Variants in GRIK1 observed in about 807,000 individuals in gnomAD.
GRIK1 encodes glutamate receptor ionotropic, kainate 1.
Under a neutral mutation model 105.7 loss-of-function variants are expected in GRIK1, and 69 were observed. That is an observed-to-expected ratio of 0.65 (90% confidence interval 0.54 to 0.80). The LOEUF is 0.80. Ranked by LOEUF, GRIK1 falls within the 30% of genes least tolerant of loss-of-function variation. The probability of loss-of-function intolerance (pLI) is 0.00; values close to 1 mark genes in which losing one functional copy is unlikely to be tolerated. For synonymous variants in GRIK1, 438 were observed against 431.3 expected, an observed-to-expected ratio of 1.02 and a Z score of -0.19; for missense variants, 1,109 against 1,167.3, an observed-to-expected ratio of 0.95 and a Z score of 0.73.
intron 15 of GRIK1, among the ~76,000 whole-genome samples, chr21:29,560,850 T>G (rs1406961157): frequency 2.0e-5 from 3 of 152,064 alleles, no homozygotes; most frequent in African/African-American, 7.2e-5. Context: ...TCTGCCTGCC[T>G]TGGTCTGCCA....
chr21:29,931,283 G>C (rs2071555066), intron 1 of GRIK1, among the ~76,000 whole-genome samples: 1 of 152,146 alleles, frequency 6.6e-6, no homozygotes, highest in Non-Finnish European at 1.5e-5. Context: ...GGTTGTGACA[G>C]TTTTTCAGAT....
chr21:29,594,640 C>T (rs2061378351), intron 9 of GRIK1, among the ~76,000 whole-genome samples: 1 of 152,008 alleles, frequency 6.6e-6, no homozygotes, highest in Non-Finnish European at 1.5e-5. Context: ...AATGAGTGCC[C>T]AAATGACATT....
chr21:29,816,075 C>G (rs549019673), intron 1 of GRIK1, among the ~76,000 whole-genome samples: 3 of 152,048 alleles, frequency 2.0e-5, no homozygotes, highest in South Asian at 4.1e-4. Flanking sequence ...CCAGAATACA[C>G]AAGGAAGATG....
chr21:29,752,480 A>G (rs1358420677), intron 1 of GRIK1, among the ~76,000 whole-genome samples: 1 of 152,208 alleles, frequency 6.6e-6, no homozygotes, highest in African/African-American at 2.4e-5. Flanking sequence ...TTCTTGGATG[A>G]GACCAAATGG....
chr21:29,580,085 G>T (rs1044384771), intron 13 of GRIK1, among the ~76,000 whole-genome samples: 12 of 142,116 alleles, frequency 8.4e-5, no homozygotes, highest in Admixed American at 4.9e-4. Context: ...ATGTATATGT[G>T]TGTGTATATA....
intron 1 of GRIK1, among the ~76,000 whole-genome samples, chr21:29,795,409 G>A (rs1235212253): frequency 6.6e-6 from 1 of 152,044 alleles, no homozygotes; most frequent in Non-Finnish European, 1.5e-5. Flanking sequence ...TTCACACCAT[G>A]TAAAATGACT....
chr21:29,924,266 G>A (rs2071281894), intron 1 of GRIK1, among the ~76,000 whole-genome samples: 2 of 151,516 alleles, frequency 1.3e-5, no homozygotes, highest in Non-Finnish European at 2.9e-5. Flanking sequence ...GAACCCGGGA[G>A]GTGGACGTTG....
At chr21:29,596,890 A>G (rs2061424785) in intron 8 of GRIK1, 2 of 332,948 alleles carry the variant, frequency 6.0e-6, no homozygotes, top group Admixed American at 4.4e-5. Context: ...CCTTAAGAAG[A>G]CCCTTTTAAG....
At chr21:29,929,734 C>T (rs1280930666) in intron 1 of GRIK1, among the ~76,000 whole-genome samples, 1 of 152,066 alleles carries the variant, frequency 6.6e-6, no homozygotes, top group Non-Finnish European at 1.5e-5. Context: ...TAAATTAGTA[C>T]AATCATTATG....
chr21:29,913,921 G>C (rs1294198184), intron 1 of GRIK1, among the ~76,000 whole-genome samples: 1 of 151,828 alleles, frequency 6.6e-6, no homozygotes, highest in Non-Finnish European at 1.5e-5. Flanking sequence ...ATACACTACT[G>C]ATTATACCAC....
At chr21:29,900,523 C>T (rs1452235285) in intron 1 of GRIK1, among the ~76,000 whole-genome samples, 1 of 148,474 alleles carries the variant, frequency 6.7e-6, no homozygotes, top group African/African-American at 2.5e-5. Context: ...GACTCTAAAC[C>T]AACAAAGATC....
chr21:29,757,855 G>A (rs890025983), intron 1 of GRIK1, among the ~76,000 whole-genome samples: 1 of 152,230 alleles, frequency 6.6e-6, no homozygotes, highest in Admixed American at 6.5e-5. Context: ...TCTTAAGTGT[G>A]TCCAGACATT....
At chr21:29,901,967 C>A (rs193268055) in intron 1 of GRIK1, among the ~76,000 whole-genome samples, 1 of 152,324 alleles carries the variant, frequency 6.6e-6, no homozygotes, top group African/African-American at 2.4e-5. Flanking sequence ...TCAGCTTCAT[C>A]CCTAGGATGC....
intron 1 of GRIK1, among the ~76,000 whole-genome samples, chr21:29,838,317 A>G (rs1164269801): frequency 6.6e-6 from 1 of 152,216 alleles, no homozygotes; most frequent in Non-Finnish European, 1.5e-5. Flanking sequence ...TAAACTATGA[A>G]GAGTACTAAA....
At chr21:29,768,916 G>A (rs1301895449) in intron 1 of GRIK1, among the ~76,000 whole-genome samples, 3 of 152,154 alleles carry the variant, frequency 2.0e-5, no homozygotes, top group African/African-American at 2.4e-5. Flanking sequence ...AGTGAATACC[G>A]TGTTTACTTC....
chr21:29,720,006 G>A lies in GRIK1; in HGVS notation c.119-25943C>T, dbSNP rs1318178340. On this transcript the variant is annotated intron_variant, in intron 1 of 17. Coordinates refer to ENST00000327783, the MANE Select transcript of GRIK1 (RefSeq NM_001330994.2). ...TCTTTCATTTTAAAAATACTTTTAA[G>A]TAGGAAAAGGATCCAAGCTGCTCAA... Among the ~76,000 whole-genome samples the A allele has an allele frequency of 2.6e-5, 4 of 152,272 alleles. No individual in the cohort carries two copies. In the East Asian group the frequency reaches 5.8e-4, roughly 22 times the overall value.
intron 7 of GRIK1, among the ~76,000 whole-genome samples, chr21:29,627,062 G>A (rs569399968): frequency 6.6e-6 from 1 of 152,232 alleles, no homozygotes; most frequent in South Asian, 2.1e-4. Flanking sequence ...AACCCTCTGG[G>A]TTCCTGTAGA....
chr21:29,939,390 G>A lies in GRIK1; in HGVS notation c.111C>T (p.Leu37=), dbSNP rs530224478. 1 of 1,528,612 alleles carries A rather than the reference G, an allele frequency of 6.5e-7. No individual in the cohort carries two copies. The highest frequency in any genetic ancestry group is 1.4e-5 in the African/African-American group (1 of 72,838). 94.7% of individuals were successfully genotyped at this position (1,528,612 alleles called of 1,614,324 possible). Residue 37 remains leucine, a synonymous_variant, in exon 1 of 18, where the codon CTC becomes CTT. Coordinates refer to ENST00000327783, the MANE Select transcript of GRIK1 (RefSeq NM_001330994.2). ...YILPQTAPQV[L]RIGGIFETVE... is the part of the protein sequence containing the mutation. Reference sequence around the variant, plus strand: ...AGCCTGGGGCTCACTCACCGATCCTGAGTACTTGCGGGGCGGTCTGAGGGA... The same window carrying A: ...AGCCTGGGGCTCACTCACCGATCCTAAGTACTTGCGGGGCGGTCTGAGGGA...
chr21:29,575,106 ATAGT>A, intron 14 of GRIK1, among the ~76,000 whole-genome samples: 1 of 152,336 alleles, frequency 6.6e-6, no homozygotes, highest in East Asian at 1.9e-4. Flanking sequence ...AACTCTAGAT[ATAGT>A]TAACTTTTAA....
Sources: gnomAD v4.1 joint callset for allele counts (sites outside exome capture counted in the v4.1 genomes callset) on GRCh38, gnomAD v4.1.1 for gene constraint, MANE v1.5 for transcripts, NCBI Gene and HGNC (gene_info 2026-07-23, HGNC 2026-07-21) for gene names.